Variants in BCOR observed in about 807,000 individuals in gnomAD.
The protein encoded by BCOR is BCL-6 corepressor.
A neutral mutation model predicts 86.7 loss-of-function variants in BCOR; 10 were observed. The ratio of observed to expected loss-of-function variants is 0.12; its 90% CI spans 0.07 to 0.20. The LOEUF is 0.20. Among genes scored for constraint, BCOR ranks in the 10% least tolerant of loss-of-function variants. The probability of loss-of-function intolerance (pLI) is 1.00; values close to 1 mark genes in which losing one functional copy is unlikely to be tolerated. For synonymous variants in BCOR, 611 were observed against 609.0 expected (o/e 1.00, Z -0.05); for missense variants, 1,259 against 1,452.1 (o/e 0.87, Z 2.16).
At chrX:40,123,326 T>C (rs1937511518) in intron 1 of BCOR, among the ~76,000 whole-genome samples, 2 of 107,465 alleles carry the variant, frequency 1.9e-5, no homozygotes, top group Admixed American at 2.0e-4. Flanking sequence ...GGGTGGTGTA[T>C]AGTCAGTAGG....
rs754561886 is a variant in BCOR, at chrX:40,074,195, G to A, written c.1151C>T (p.Pro384Leu). 8.2e-7 allele frequency: 1 copy of A among 1,212,288 alleles called. No individual in the cohort carries two copies. The highest frequency in any genetic ancestry group is 1.1e-6 in the Non-Finnish European group (1 of 895,581). The change falls in exon 4 of 15, where the codon CCC becomes CTC. Residue 384 changes from proline to leucine, a missense_variant. Physicochemically the swap from Pro to Leu is moderately conservative, Grantham distance 98. Coordinates refer to ENST00000378444, the MANE Select transcript of BCOR (RefSeq NM_001123385.2). ...CTTGCCATTGGAGAGCCTGGCCGCG[G>A]GGAACTCGCTGCTAACTGTCATGTA... ...KPYMTVSSEF[P>L]AARLSNGKYP... is the part of the protein sequence containing the mutation.
At chrX:40,085,180 A>G (rs1306251969) in intron 1 of BCOR, among the ~76,000 whole-genome samples, 1 of 113,203 alleles carries the variant, frequency 8.8e-6, no homozygotes, top group Admixed American at 9.3e-5. Context: ...GCCTCGGAGC[A>G]CGATAACAAG....
rs1394040136 is a variant in BCOR, at chrX:40,097,471, C to A, written c.-297G>T. The A allele has an allele frequency of 1.0e-5, 1 of 100,242 alleles. No individual in the cohort carries two copies. The highest frequency in any genetic ancestry group is 2.0e-5 in the Non-Finnish European group (1 of 49,215). The allele number at this position is 100,242 out of a possible 1,213,427, so 8.3% of individuals were successfully genotyped here. On this transcript the variant is annotated 5_prime_UTR_variant, in exon 1 of 15. Transcript: ENST00000378444. ...CGCCGCGCTCACTCGACTCCCTCGC[C>A]GTCTGCTGGCAGCCGGCTGCCCTCG...
At chrX:40,052,800 G>A (rs755883090) in intron 14 of BCOR, among the ~76,000 whole-genome samples, 63 of 110,524 alleles carry the variant, frequency 5.7e-4, no homozygotes, top group Admixed American at 3.0e-3. Context: ...TCCTGACCTC[G>A]TGATCCGCCC....
chrX:40,136,403 G>A (rs746491619), intron 1 of BCOR, among the ~76,000 whole-genome samples: 2 of 111,616 alleles, frequency 1.8e-5, no homozygotes, highest in South Asian at 3.7e-4. Context: ...CACGTTACTC[G>A]GTCAACCCAA....
intron 1 of BCOR, among the ~76,000 whole-genome samples, chrX:40,117,314 A>G (rs1226199113): frequency 1.2e-4 from 13 of 111,439 alleles, no homozygotes; most frequent in Non-Finnish European, 3.8e-5. Flanking sequence ...GTTACTGTTT[A>G]GAGTTCAGTG....
Position 40,074,230 on chromosome X carries a change from C to T in BCOR, c.1116G>A (p.Leu372=), listed in dbSNP as rs752310478. The change falls in exon 4 of 15, where the codon CTG becomes CTA. Residue 372 remains leucine (L), a synonymous_variant. Transcript: ENST00000378444. ...ARISTSPSVA[L]SKPYMTVSSE... ...TGCTAACTGTCATGTATGGCTTTGA[C>T]AGGGCAACTGAAGGAGAGGTGGAGA... 1.6e-5 allele frequency: 20 copies of T among 1,212,178 alleles called. No individual in the cohort carries two copies. The highest frequency in any genetic ancestry group is 2.2e-5 in the Non-Finnish European group (20 of 895,590).
chrX:40,167,976 C>G (rs978560277), intron 1 of BCOR, among the ~76,000 whole-genome samples: 3 of 112,662 alleles, frequency 2.7e-5, no homozygotes, highest in South Asian at 3.6e-4. Flanking sequence ...TTCGATTCCC[C>G]GCTACCTACG....
At chrX:40,053,763 G>T in intron 14 of BCOR, 123 bp downstream of exon 14, 1 of 763,013 alleles carries the variant, frequency 1.3e-6, no homozygotes, top group Non-Finnish European at 2.0e-6. Flanking sequence ...CATTGTGTGA[G>T]GTTCGTGGAC....
chrX:40,149,296 C>T (rs1938123658), intron 1 of BCOR, among the ~76,000 whole-genome samples: 1 of 111,549 alleles, frequency 9.0e-6, no homozygotes, highest in Admixed American at 9.6e-5. Context: ...ATTTGCATCA[C>T]ATCCTCTTGT....
In BCOR at chrX:40,153,572, C is replaced by T. The variant is rs1027417012; in HGVS notation, c.-41+23435G>A. 3.6e-5 allele frequency among the ~76,000 whole-genome samples: 4 copies of T among 111,448 alleles called. No homozygotes were observed. In the South Asian group the frequency reaches 1.5e-3, roughly 42 times the overall value. On this transcript the variant is annotated intron_variant, in intron 1 of 14. Coordinates refer to the BCOR transcript ENST00000342274. ...TCTGCCCCACCCCCCGCGGGGCGCT[C>T]CCTCTGCCTCGGAAGCTGAGACTAA...
intron 1 of BCOR, among the ~76,000 whole-genome samples, chrX:40,120,040 A>C (rs1373968788): frequency 2.2e-5 from 1 of 44,532 alleles, no homozygotes; most frequent in Admixed American, 3.4e-4. Flanking sequence ...ACTGCTCCAC[A>C]GTTGGGGCGG....
At chrX:40,054,539 C>T (rs1209896724) in intron 12 of BCOR, among the ~76,000 whole-genome samples, 1 of 106,929 alleles carries the variant, frequency 9.4e-6, no homozygotes, top group Non-Finnish European at 1.9e-5. Flanking sequence ...GCTCTGTTGC[C>T]CAGGCTGGAG....
intron 1 of BCOR, among the ~76,000 whole-genome samples, chrX:40,095,636 C>A (rs138108604): frequency 8.9e-6 from 1 of 112,444 alleles, no homozygotes; most frequent in Admixed American, 9.3e-5. Context: ...AGTCTAGACG[C>A]AGCGAGGCTG....
At chrX:40,055,220 C>A in intron 12 of BCOR, 148 bp downstream of exon 12, 1 of 573,249 alleles carries the variant, frequency 1.7e-6, no homozygotes, top group African/African-American at 2.2e-5. Context: ...CAAAGTCAAA[C>A]CACACAAAAG....
chrX:40,105,165 G>A (rs1471278239), intron 1 of BCOR, among the ~76,000 whole-genome samples: 1 of 110,518 alleles, frequency 9.0e-6, no homozygotes, highest in Non-Finnish European at 1.9e-5. Context: ...CGGGGTCTCC[G>A]GACCCCGCCT....
chrX:40,071,239 A>G, intron 5 of BCOR, 80 bp from the exon 6 acceptor site: 2 of 1,045,575 alleles, frequency 1.9e-6, no homozygotes, highest in Non-Finnish European at 2.6e-6. Flanking sequence ...ATCTTAAAGG[A>G]AAGTATTTTC....
At chrX:40,122,431 C>T (rs1937500114) in intron 1 of BCOR, among the ~76,000 whole-genome samples, 2 of 111,930 alleles carry the variant, frequency 1.8e-5, no homozygotes, top group Non-Finnish European at 1.9e-5. Context: ...CTTGGTGTCT[C>T]GGAGACTGTT....
At position 40,064,518 on chromosome X, in the gene BCOR, A is replaced by G. The variant is rs1935098116; in HGVS notation, c.3320T>C (p.Val1107Ala). The G allele has an allele frequency of 4.9e-6, 6 of 1,212,135 alleles. No homozygotes were observed. Among genetic ancestry groups the G allele is most frequent in the Non-Finnish European group, 6.7e-6 (6 of 895,538 alleles). ...DKDLPVEKYF[V>A]ERQPVSEPPA... ...AGGCTCGCTCACAGGCTGCCTCTCC[A>G]CAAAGTACTTCTCCACAGGAAGATC... The change falls in exon 7 of 15, where the codon GTG becomes GCG. Residue 1107 changes from valine to alanine, a missense_variant. Physicochemically the swap from Val to Ala is moderately conservative, Grantham distance 64. Transcript: ENST00000378444.
Sources: allele counts gnomAD v4.1 joint callset (sites outside exome capture counted in the v4.1 genomes callset), GRCh38; gene constraint gnomAD v4.1.1; transcripts MANE v1.5; gene names NCBI Gene and HGNC (gene_info 2026-07-23, HGNC 2026-07-21).